The following LRBA variants were observed in gnomAD, a reference collection of about 807,000 sequenced individuals.
LRBA encodes LPS responsive beige-like anchor protein.
LRBA carries 176 observed loss-of-function variants against 330.0 expected under a neutral mutation model. The observed-to-expected ratio is 0.53, with a 90% CI of 0.47 to 0.60. The LOEUF (loss-of-function observed/expected upper bound fraction) is 0.60, where lower values mean the gene tolerates loss of function less well. Among genes scored for constraint, LRBA ranks in the 20% least tolerant of loss-of-function variants. LRBA has a pLI of 0.00. For synonymous variants in LRBA, 1,230 were observed against 1,193.0 expected (o/e 1.03, Z -0.64); for missense variants, 3,259 against 3,444.8 (o/e 0.95, Z 1.35).
chr4:150,571,145 C>A (rs1441701466), intron 40 of LRBA, among the ~76,000 whole-genome samples: 1 of 151,936 alleles, frequency 6.6e-6, no homozygotes, highest in Non-Finnish European at 1.5e-5. Context: ...TTAGGATTTT[C>A]TTTCATGAAA....
chr4:150,843,773 T>A (rs1352080377), intron 28 of LRBA, among the ~76,000 whole-genome samples: 1 of 152,204 alleles, frequency 6.6e-6, no homozygotes, highest in African/African-American at 2.4e-5. Flanking sequence ...GTGCCTTAGA[T>A]TATTCATCTA....
intron 40 of LRBA, among the ~76,000 whole-genome samples, chr4:150,587,774 T>C (rs1173796771): frequency 6.6e-6 from 1 of 152,134 alleles, no homozygotes; most frequent in Admixed American, 6.5e-5. Context: ...CAAAATATAT[T>C]TATAGACAAT....
rs191442944 is a variant in LRBA, at chr4:150,746,704, G to A, written c.5646-11338C>T. Among the ~76,000 whole-genome samples the A allele has an allele frequency of 1.2e-4, 18 of 151,888 alleles. 1 individual carries two copies. Among genetic ancestry groups the A allele is most frequent in the Admixed American group, 9.8e-4 (15 of 15,248 alleles). On this transcript the variant is annotated intron_variant, in intron 35 of 56. Transcript: ENST00000651943. ...TTTTTATATTTTTAGTACAGACAGG[G>A]TTTCACCGTGTTAGCCAGGATGGTC... is the stretch of plus-strand genomic sequence containing the variant.
chr4:150,594,206 G>T (rs1773219843), intron 38 of LRBA, among the ~76,000 whole-genome samples: 1 of 151,784 alleles, frequency 6.6e-6, no homozygotes, highest in South Asian at 2.1e-4. Flanking sequence ...ACTCCCCCTT[G>T]AGGATTTTAA....
At chr4:150,297,466 T>C (rs1729118037) in intron 53 of LRBA, among the ~76,000 whole-genome samples, 1 of 152,132 alleles carries the variant, frequency 6.6e-6, no homozygotes, top group East Asian at 1.9e-4. Flanking sequence ...CAACATACCA[T>C]TTGAAAACGC....
intron 39 of LRBA, among the ~76,000 whole-genome samples, chr4:150,588,713 A>G (rs999743224): frequency 1.3e-5 from 2 of 152,222 alleles, no homozygotes; most frequent in Non-Finnish European, 2.9e-5. Context: ...AACCTCTTCC[A>G]TAACAACTTT....
chr4:150,439,582 C>T (rs1415432245), intron 44 of LRBA, among the ~76,000 whole-genome samples: 1 of 152,108 alleles, frequency 6.6e-6, no homozygotes, highest in Non-Finnish European at 1.5e-5. Flanking sequence ...AGTGGGAATA[C>T]ACACATTGAA....
At chr4:150,561,712 T>C (rs1768363913) in intron 40 of LRBA, among the ~76,000 whole-genome samples, 1 of 152,210 alleles carries the variant, frequency 6.6e-6, no homozygotes, top group Non-Finnish European at 1.5e-5. Flanking sequence ...TTTACTTCTG[T>C]GAGGCCTGCA....
At chr4:150,275,518 A>G (rs1245361121) in intron 56 of LRBA, among the ~76,000 whole-genome samples, 1 of 152,218 alleles carries the variant, frequency 6.6e-6, no homozygotes, top group Non-Finnish European at 1.5e-5. Flanking sequence ...ACATGATTGT[A>G]TATTTAGAAA....
chr4:150,907,210 G>A (rs1731423676), intron 11 of LRBA, among the ~76,000 whole-genome samples: 1 of 127,982 alleles, frequency 7.8e-6, no homozygotes, highest in East Asian at 2.5e-4. Flanking sequence ...TTCACTGCCA[G>A]CAATTTCAAT....
chr4:150,498,484 A>G (rs531100107), intron 40 of LRBA, among the ~76,000 whole-genome samples: 35 of 152,204 alleles, frequency 2.3e-4, no homozygotes, highest in South Asian at 4.1e-4. Context: ...AAACTATACC[A>G]TAAGTCTAAA....
chr4:150,468,931 A>G (rs1249479744), intron 43 of LRBA, among the ~76,000 whole-genome samples: 4 of 152,008 alleles, frequency 2.6e-5, no homozygotes, highest in African/African-American at 4.8e-5. Flanking sequence ...CTTATAAAAC[A>G]TCATAACAAT....
intron 44 of LRBA, among the ~76,000 whole-genome samples, chr4:150,449,561 G>GC (rs575373754): frequency 1.9e-4 from 29 of 150,238 alleles, no homozygotes; most frequent in Middle Eastern, 3.6e-3. Context: ...ATAAAAAAAT[G>GC]CCTCTGTGGC....
At chr4:150,399,313 C>A (rs558247007) in intron 47 of LRBA, among the ~76,000 whole-genome samples, 5 of 152,156 alleles carry the variant, frequency 3.3e-5, no homozygotes, top group African/African-American at 1.2e-4. Flanking sequence ...TTCCTGTGAC[C>A]ATGGCAGAAA....
chr4:150,519,100 G>T (rs1309650391), intron 40 of LRBA, among the ~76,000 whole-genome samples: 1 of 151,890 alleles, frequency 6.6e-6, no homozygotes, highest in Non-Finnish European at 1.5e-5. Flanking sequence ...ATTTAAATGA[G>T]ACAAGTCAAT....
chr4:150,742,144 A>AT (rs376124277), intron 35 of LRBA, among the ~76,000 whole-genome samples: 12 of 13,058 alleles, frequency 9.2e-4, no homozygotes, highest in Non-Finnish European at 3.2e-3. Context: ...TATTATTATT[A>AT]TTATTATTTT....
At chr4:150,861,059 C>T in intron 22 of LRBA, among the ~76,000 whole-genome samples, 1 of 152,066 alleles carries the variant, frequency 6.6e-6, no homozygotes, top group East Asian at 1.9e-4. Flanking sequence ...AACTGTAACA[C>T]AATATATGTA....
At chr4:150,726,175 A>G (rs1729640568) in intron 36 of LRBA, among the ~76,000 whole-genome samples, 1 of 152,322 alleles carries the variant, frequency 6.6e-6, no homozygotes, top group East Asian at 1.9e-4. Context: ...TAAATGGACT[A>G]AACTCTCCAA....
chr4:150,445,338 G>A (rs188144816), intron 44 of LRBA, among the ~76,000 whole-genome samples: 47 of 92,808 alleles, frequency 5.1e-4, no homozygotes, highest in Admixed American at 3.6e-3. Flanking sequence ...TTTTAATTTC[G>A]GAAAACCTCT....
Sources: gnomAD v4.1 joint callset for allele counts (sites outside exome capture counted in the v4.1 genomes callset) on GRCh38, gnomAD v4.1.1 for gene constraint, MANE v1.5 for transcripts, NCBI Gene and HGNC (gene_info 2026-07-23, HGNC 2026-07-21) for gene names.